DEPDC5: variants seen among roughly 807,000 people sequenced by gnomAD.
DEPDC5 encodes the protein GATOR1 complex protein DEPDC5.
A neutral mutation model predicts 217.3 loss-of-function variants in DEPDC5; 73 were observed. The ratio of observed to expected loss-of-function variants is 0.34; its 90% CI spans 0.28 to 0.41. DEPDC5 has a LOEUF of 0.41. Among genes scored for constraint, DEPDC5 ranks in the 10% least tolerant of loss-of-function variants. The probability of loss-of-function intolerance (pLI) is 1.00; values close to 1 mark genes in which losing one functional copy is unlikely to be tolerated. For missense variants in DEPDC5, 1,675 were observed against 2,070.1 expected, an observed-to-expected ratio of 0.81 and a Z score of 3.70; for synonymous variants, 733 against 756.7, an observed-to-expected ratio of 0.97 and a Z score of 0.51.
intron 31 of DEPDC5, among the ~76,000 whole-genome samples, chr22:31,857,128 T>A (rs2092332670): frequency 6.6e-6 from 1 of 152,172 alleles, no homozygotes; most frequent in African/African-American, 2.4e-5. Flanking sequence ...AAAAGTACTT[T>A]TACAAGAATT....
At chr22:31,787,153 A>G (rs2085086970) in intron 10 of DEPDC5, among the ~76,000 whole-genome samples, 1 of 151,934 alleles carries the variant, frequency 6.6e-6, no homozygotes, top group Non-Finnish European at 1.5e-5. Context: ...TGGAGCGATC[A>G]TGGCTCACTA....
At chr22:31,842,402 C>G (rs2091447980) in intron 27 of DEPDC5, among the ~76,000 whole-genome samples, 1 of 151,968 alleles carries the variant, frequency 6.6e-6, no homozygotes, top group South Asian at 2.1e-4. Flanking sequence ...ATGGAGAAAC[C>G]CCGTCTCCAC....
chr22:31,783,350 ACT>A (rs2084654573), intron 8 of DEPDC5, among the ~76,000 whole-genome samples: 1 of 151,926 alleles, frequency 6.6e-6, no homozygotes, highest in African/African-American at 2.4e-5. Flanking sequence ...AGCTGTTAAC[ACT>A]CACCATGAAG....
chr22:31,761,778 G>A (rs1414055340), intron 4 of DEPDC5, among the ~76,000 whole-genome samples: 2 of 151,674 alleles, frequency 1.3e-5, no homozygotes, highest in Non-Finnish European at 1.5e-5. Context: ...GACCAGCCTG[G>A]GCAAAACGGT....
intron 37 of DEPDC5, among the ~76,000 whole-genome samples, chr22:31,879,082 G>GTA (rs1406507289): frequency 4.5e-4 from 47 of 105,314 alleles, no homozygotes; most frequent in East Asian, 1.3e-3. Context: ...ACACACACAC[G>GTA]TATATATATA....
rs375665364 is a variant in DEPDC5, at chr22:31,772,253, C to T, written c.413+3390C>T. Among the ~76,000 whole-genome samples, 379 of 152,084 alleles carry T rather than the reference C, an allele frequency of 2.5e-3. 2 individuals carry two copies. Among genetic ancestry groups the T allele is most frequent in the Middle Eastern group, 0.01 (3 of 294 alleles). On this transcript the variant is annotated intron_variant, in intron 7 of 42. Coordinates refer to ENST00000651528, the MANE Select transcript of DEPDC5 (RefSeq NM_001242896.3). ...TTGAAAACAAACAAAAATTTGTTAG[C>T]GGGTCAGTGTTCTTTAAAACATCCA...
chr22:31,894,061 G>A (rs1377377987), intron 39 of DEPDC5: 3 of 190,656 alleles, frequency 1.6e-5, no homozygotes, highest in Non-Finnish European at 2.1e-5. Flanking sequence ...AATGCTAGTA[G>A]CACAGCCCCA....
chr22:31,791,174 T>G (rs1412843152), intron 10 of DEPDC5, among the ~76,000 whole-genome samples: 4 of 152,134 alleles, frequency 2.6e-5, no homozygotes, highest in African/African-American at 9.7e-5. Flanking sequence ...TCCAATCACT[T>G]TCCACATTCC....
intron 8 of DEPDC5, 24 bp from the exon 9 acceptor site, chr22:31,783,882 TA>T: frequency 6.2e-7 from 1 of 1,605,010 alleles, no homozygotes; most frequent in Non-Finnish European, 8.5e-7. Context: ...CATTGCTTTT[TA>T]ATACAATTGT....
rs16989536 is a variant in DEPDC5, at chr22:31,833,949, A to G, written c.2139A>G (p.Leu713=). 1,881 of 1,612,428 alleles carry G rather than the reference A, an allele frequency of 1.2e-3. 26 individuals are homozygous for G. In the African/African-American group the frequency reaches 0.022, roughly 18 times the overall value. The change falls in exon 25 of 43, where the codon CTA becomes CTG. Residue 713 remains leucine (L), a synonymous_variant. Transcript: ENST00000651528. ...MNPRTQNKDS[L]EDSVSTSPDP... ...CTAGGACCCAGAATAAGGATTCTCT[A>G]GAGGACAGTGTTTCTACCTCTCCAG...
rs111706047 is a variant in DEPDC5 at position 31,784,502 on chromosome 22, G to A, written c.563-312G>A. The A allele has an allele frequency of 0.028, 6,615 of 232,456 alleles. 380 individuals carry two copies. Among genetic ancestry groups the A allele is most frequent in the African/African-American group, 0.13 (5,716 of 42,860 alleles). 14.4% of individuals were successfully genotyped at this position (232,456 alleles called of 1,614,324 possible). On this transcript the variant is annotated intron_variant, in intron 9 of 42. Transcript: ENST00000651528. ...AAATTAGCTGGGCTTGGTGGTGGGCGCCTGTAATCCCAGCTACTCAGGATG... is the reference window on the plus strand; with the variant it reads ...AAATTAGCTGGGCTTGGTGGTGGGCACCTGTAATCCCAGCTACTCAGGATG...
chr22:31,818,455 T>G (rs2089374178), intron 21 of DEPDC5, among the ~76,000 whole-genome samples: 1 of 152,126 alleles, frequency 6.6e-6, no homozygotes, highest in Admixed American at 6.6e-5. Flanking sequence ...GCAGATCATT[T>G]GTGGAGATCA....
At chr22:31,774,669 C>T (rs12160174) in intron 7 of DEPDC5, among the ~76,000 whole-genome samples, 73 of 151,876 alleles carry the variant, frequency 4.8e-4, no homozygotes, top group African/African-American at 1.5e-3. Flanking sequence ...GGTGAAACCC[C>T]GTCTTTACTG....
intron 7 of DEPDC5, 142 bp downstream of exon 7, chr22:31,769,005 A>G (rs2083076578): frequency 1.5e-5 from 16 of 1,095,424 alleles, no homozygotes; most frequent in Non-Finnish European, 2.1e-5. Context: ...TCACGCCTGT[A>G]ATCCTAGCAC....
In DEPDC5 at chr22:31,780,574, C is replaced by T. The variant is rs566445605; in HGVS notation, c.483+2406C>T. Among the ~76,000 whole-genome samples the T allele has an allele frequency of 7.9e-5, 12 of 152,314 alleles. No individual in the cohort carries two copies. In the South Asian group the frequency reaches 2.1e-3, roughly 26 times the overall value. On this transcript the variant is annotated intron_variant, in intron 8 of 42. Transcript: ENST00000651528. The stretch of plus-strand genomic sequence containing the variant: ...TCTCTCTTGCCACCATGTCTTCGCA[C>T]ATGCTGCCCTCTGTATCCTAGGGTG...
chr22:31,845,748 C>CGTGTGTGTGTGTGTGTGTAT (rs2091693198), intron 30 of DEPDC5, among the ~76,000 whole-genome samples: 1 of 149,368 alleles, frequency 6.7e-6, no homozygotes, highest in South Asian at 2.1e-4. Context: ...GTATAATTGA[C>CGTGTGTGTGTGTGTGTGTAT]GTGTGTGTGT....
At chr22:31,897,740 G>C in intron 40 of DEPDC5, 87 bp downstream of exon 40, 1 of 1,477,396 alleles carries the variant, frequency 6.8e-7, no homozygotes, top group South Asian at 1.3e-5. Flanking sequence ...CAGTCAACAC[G>C]GACTAGGGAA....
At chr22:31,798,433 A>C in intron 13 of DEPDC5, 149 bp from the exon 14 acceptor site, 1 of 497,972 alleles carries the variant, frequency 2.0e-6, no homozygotes, top group Non-Finnish European at 3.5e-6. Flanking sequence ...CAGGAGAATC[A>C]CTTGAACCTG....
At chr22:31,789,983 C>A (rs113067125) in intron 10 of DEPDC5, among the ~76,000 whole-genome samples, 90 of 152,174 alleles carry the variant, frequency 5.9e-4, no homozygotes, top group Non-Finnish European at 7.6e-4. Flanking sequence ...AATAATAGAC[C>A]CTCTCACCAC....
Sources: gnomAD v4.1 joint callset for allele counts (sites outside exome capture counted in the v4.1 genomes callset) on GRCh38, gnomAD v4.1.1 for gene constraint, MANE v1.5 for transcripts, NCBI Gene and HGNC (gene_info 2026-07-23, HGNC 2026-07-21) for gene names.